Variants in RTN3 observed in about 807,000 individuals in gnomAD.
The protein encoded by RTN3 is reticulon 3.
RTN3 carries 49 observed loss-of-function variants against 77.8 expected under a neutral mutation model. That is an observed-to-expected ratio of 0.63 (90% CI 0.50 to 0.80). The LOEUF is 0.80. Among genes scored for constraint, RTN3 ranks in the 30% least tolerant of loss-of-function variants. RTN3 has a pLI of 0.00. For synonymous variants in RTN3, 464 were observed against 446.9 expected (o/e 1.04, Z -0.48); for missense variants, 1,236 against 1,211.9 (o/e 1.02, Z -0.29).
intron 1 of RTN3, among the ~76,000 whole-genome samples, chr11:63,702,309 T>C (rs1942276979): frequency 6.6e-6 from 1 of 151,402 alleles, no homozygotes; most frequent in Non-Finnish European, 1.5e-5. Flanking sequence ...TTTTTTTGTT[T>C]TTTTGTTTTT....
chr11:63,681,512 T>C lies in RTN3; in HGVS notation c.-125T>C, dbSNP rs1941031123. The C allele has an allele frequency of 3.0e-6, 3 of 1,006,818 alleles. No individual in the cohort carries two copies. Among genetic ancestry groups the C allele is most frequent in the East Asian group, 6.0e-5 (2 of 33,546 alleles). 62.4% of individuals were successfully genotyped at this position (1,006,818 alleles called of 1,614,324 possible). On this transcript the variant is annotated 5_prime_UTR_variant, in exon 1 of 9. Coordinates refer to ENST00000377819, the MANE Select transcript of RTN3 (RefSeq NM_001265589.2). ...GGCTGAGTCAGTCAGTCTGTCGGAG[T>C]CTGTCCTCGGAGCAGGCGGAGTAAA... is the stretch of plus-strand genomic sequence containing the variant.
chr11:63,710,703 A>AC (rs201687685), intron 2 of RTN3, among the ~76,000 whole-genome samples: 3,051 of 152,152 alleles, frequency 0.02, 139 homozygotes, highest in Admixed American at 0.11. Context: ...AACACATACC[A>AC]AATGTATTAA....
At chr11:63,701,134 T>TTTGTTTC (rs1441757904) in intron 1 of RTN3, among the ~76,000 whole-genome samples, 1 of 151,710 alleles carries the variant, frequency 6.6e-6, no homozygotes, top group African/African-American at 2.4e-5. Flanking sequence ...TCATATATAA[T>TTTGTTTC]TTGTTTCTTA....
chr11:63,753,300 G>A (rs1203177446), intron 6 of RTN3, among the ~76,000 whole-genome samples, 162 bp downstream of exon 6: 1 of 152,158 alleles, frequency 6.6e-6, no homozygotes, highest in Non-Finnish European at 1.5e-5. Context: ...TGTGGTCACA[G>A]GTTTATGAAA....
intron 3 of RTN3, among the ~76,000 whole-genome samples, chr11:63,722,319 T>C (rs1429049605): frequency 6.6e-6 from 1 of 152,230 alleles, no homozygotes; most frequent in Non-Finnish European, 1.5e-5. Context: ...AAATGTATTT[T>C]GTGTTTGATT....
intron 3 of RTN3, among the ~76,000 whole-genome samples, chr11:63,741,543 A>T (rs1168249765): frequency 6.8e-6 from 1 of 147,192 alleles, no homozygotes; most frequent in East Asian, 2.0e-4. Context: ...TCTATTGCCC[A>T]GGCTGGAATG....
At chr11:63,732,322 C>T (rs529280396) in intron 3 of RTN3, among the ~76,000 whole-genome samples, 8 of 152,072 alleles carry the variant, frequency 5.3e-5, no homozygotes, top group Admixed American at 2.0e-4. Flanking sequence ...ACTACAGGCA[C>T]GCACTATCAT....
intron 3 of RTN3, among the ~76,000 whole-genome samples, chr11:63,743,413 T>TC (rs2013602170): frequency 6.6e-6 from 1 of 152,238 alleles, no homozygotes; most frequent in Non-Finnish European, 1.5e-5. Flanking sequence ...AATGCTTTTT[T>TC]CTGTATCATA....
chr11:63,750,453 TTC>T, intron 4 of RTN3: 3 of 438,470 alleles, frequency 6.8e-6, no homozygotes, highest in Non-Finnish European at 1.2e-5. Flanking sequence ...AGACTCTAAA[TTC>T]TTTTTTTTTT....
Position 63,720,465 on chromosome 11 carries a change from A to G in RTN3, c.1963A>G (p.Ile655Val), listed in dbSNP as rs754371714. 3.7e-6 allele frequency: 6 copies of G among 1,613,264 alleles called. No individual in the cohort carries two copies. In the Admixed American group the frequency reaches 8.3e-5, roughly 22 times the overall value. Residue 655 changes from isoleucine to valine, a missense_variant, in exon 3 of 9, where the codon ATA becomes GTA. Coordinates refer to ENST00000377819, the MANE Select transcript of RTN3 (RefSeq NM_001265589.2). ...HIDDSSPEDL[I>V]AAFTETRDKG... Reference sequence around the variant, plus strand: ...AGATGATTCCTCCCCAGAGGACCTGATAGCAGCCTTTACAGAAACCAGAGA... The same window carrying G: ...AGATGATTCCTCCCCAGAGGACCTGGTAGCAGCCTTTACAGAAACCAGAGA...
At chr11:63,693,071 A>G (rs1171981998) in intron 1 of RTN3, among the ~76,000 whole-genome samples, 1 of 152,182 alleles carries the variant, frequency 6.6e-6, no homozygotes, top group African/African-American at 2.4e-5. Flanking sequence ...CACCATGCCC[A>G]GCTTCCTTAT....
At chr11:63,752,169 T>TAAAA (rs11297692) in intron 4 of RTN3, among the ~76,000 whole-genome samples, 1 of 134,160 alleles carries the variant, frequency 7.5e-6, no homozygotes. Context: ...TTAAAACTGC[T>TAAAA]AAAAAAAAAA....
rs1177171493 is a variant in RTN3 at position 63,684,128 on chromosome 11, GGTT to G, written c.142+2351_142+2353del. On this transcript the variant is annotated intron_variant, in intron 1 of 8. Transcript: ENST00000377819. ...CACCACGCGTGGTTAATTTTCTTTT[GGTT>G]TTTTTTTTTTTTTTTTTTTTTTTGG... is the stretch of plus-strand genomic sequence containing the variant. 8.5e-4 allele frequency among the ~76,000 whole-genome samples: 17 copies of G among 19,932 alleles called. No individual in the cohort carries two copies. In the South Asian group the frequency reaches 0.025, roughly 29 times the overall value. The allele number at this position is 19,932 out of a possible 152,430, so 13.1% of individuals were successfully genotyped here.
intron 1 of RTN3, among the ~76,000 whole-genome samples, chr11:63,685,973 G>A (rs1402256823): frequency 1.3e-5 from 2 of 152,150 alleles, no homozygotes; most frequent in Non-Finnish European, 2.9e-5. Context: ...GGGATCAGGG[G>A]TCAGGATGGC....
chr11:63,740,857 G>A (rs1284097901), intron 3 of RTN3, among the ~76,000 whole-genome samples: 2 of 152,132 alleles, frequency 1.3e-5, no homozygotes, highest in Non-Finnish European at 2.9e-5. Flanking sequence ...AATAATAATA[G>A]CTGATATTGT....
chr11:63,736,411 G>T (rs936214499), intron 3 of RTN3, among the ~76,000 whole-genome samples: 1 of 152,198 alleles, frequency 6.6e-6, no homozygotes, highest in African/African-American at 2.4e-5. Context: ...ATAAAGGCCA[G>T]GCGTGGTGGC....
chr11:63,704,766 GCTCTT>G, intron 1 of RTN3, 80 bp from the exon 2 acceptor site: 2 of 939,258 alleles, frequency 2.1e-6, no homozygotes. Flanking sequence ...ATGATGCTTG[GCTCTT>G]CCTCCCCATC....
intron 3 of RTN3, among the ~76,000 whole-genome samples, chr11:63,741,103 T>TA (rs754363888): frequency 2.0e-5 from 3 of 152,136 alleles, no homozygotes; most frequent in Non-Finnish European, 4.4e-5. Flanking sequence ...AAGCTGGGGA[T>TA]AAAGTATTTT....
At chr11:63,708,492 CT>C (rs928043680) in intron 2 of RTN3, among the ~76,000 whole-genome samples, 22 of 151,408 alleles carry the variant, frequency 1.5e-4, no homozygotes, top group East Asian at 5.8e-4. Context: ...ATTTAAGTGA[CT>C]TTTTTTTTAT....
Sources: gnomAD v4.1 joint callset for allele counts (sites outside exome capture counted in the v4.1 genomes callset) on GRCh38, gnomAD v4.1.1 for gene constraint, MANE v1.5 for transcripts, NCBI Gene and HGNC (gene_info 2026-07-23, HGNC 2026-07-21) for gene names.